RASEF: variants seen among roughly 807,000 people sequenced by gnomAD.
RASEF encodes the protein ras and EF-hand domain-containing protein.
A neutral mutation model predicts 90.1 loss-of-function variants in RASEF; 68 were observed. That is an observed-to-expected ratio of 0.75 (90% CI 0.62 to 0.92). The LOEUF (loss-of-function observed/expected upper bound fraction) is 0.92, where lower values mean the gene tolerates loss of function less well. RASEF is among the 40% of genes least tolerant of loss of function. RASEF has a pLI of 0.00. For missense variants in RASEF, 949 were observed against 937.2 expected (o/e 1.01, Z -0.16); for synonymous variants, 331 against 345.2 (o/e 0.96, Z 0.46).
rs1342411523 is a variant in RASEF, at chr9:82,980,913, G to A, written c.*1764C>T. Reference sequence around the variant, plus strand: ...CAACTTTCCAGCAAAAATATCAGATGTCTTCAATAGAGAGAAGGCATGTTT... The same window carrying A: ...CAACTTTCCAGCAAAAATATCAGATATCTTCAATAGAGAGAAGGCATGTTT... On this transcript the variant is annotated 3_prime_UTR_variant, in exon 17 of 17. Transcript: ENST00000376447. 2 of 152,186 alleles carry A rather than the reference G, an allele frequency of 1.3e-5. No homozygotes were observed. The highest frequency in any genetic ancestry group is 2.9e-5 in the Non-Finnish European group (2 of 68,034). 9.4% of individuals were successfully genotyped at this position (152,186 alleles called of 1,614,324 possible).
chr9:83,030,411 C>T (rs1233843989), intron 1 of RASEF, among the ~76,000 whole-genome samples: 1 of 151,540 alleles, frequency 6.6e-6, no homozygotes, highest in African/African-American at 2.4e-5. Context: ...GCTATCTGTA[C>T]AACATCAAAA....
At chr9:83,166,263 A>G in the RASEF span, among the ~76,000 whole-genome samples, 5 of 152,222 alleles carry the variant, frequency 3.3e-5, no homozygotes, top group Non-Finnish European at 5.9e-5. Context: ...AGTCCCCGAC[A>G]AAATATCACC....
At chr9:83,072,899 A>G in the RASEF span, among the ~76,000 whole-genome samples, 1 of 152,194 alleles carries the variant, frequency 6.6e-6, no homozygotes, top group Non-Finnish European at 1.5e-5. Flanking sequence ...GTTGGCACTC[A>G]ACCATCACAG....
the RASEF span, among the ~76,000 whole-genome samples, chr9:83,182,536 G>A: frequency 0.2 from 31,077 of 152,062 alleles, 3,315 homozygotes; most frequent in African/African-American, 0.26. Flanking sequence ...TGCGATTTAA[G>A]TATAATTTCA....
the RASEF span, among the ~76,000 whole-genome samples, chr9:83,120,873 C>T: frequency 2.6e-5 from 4 of 152,152 alleles, no homozygotes; most frequent in Non-Finnish European, 5.9e-5. Context: ...TTCCTTGATA[C>T]ATATCAACCA....
At chr9:82,997,837 C>T (rs147749311) in intron 13 of RASEF, among the ~76,000 whole-genome samples, 15 of 152,110 alleles carry the variant, frequency 9.9e-5, no homozygotes, top group African/African-American at 3.6e-4. Flanking sequence ...AGGCAGGCAC[C>T]CCATACTTAC....
chr9:83,208,443 T>C, the RASEF span, among the ~76,000 whole-genome samples: 2 of 152,190 alleles, frequency 1.3e-5, no homozygotes, highest in Admixed American at 6.5e-5. Context: ...ACTCCAGAAG[T>C]AACCATTTCT....
the RASEF span, among the ~76,000 whole-genome samples, chr9:83,111,102 AAAT>A: frequency 2.0e-5 from 3 of 152,354 alleles, no homozygotes; most frequent in African/African-American, 7.2e-5. Flanking sequence ...AAGTACGAGC[AAAT>A]AATAAGAAAC....
chr9:83,212,823 A>G, the RASEF span, among the ~76,000 whole-genome samples: 1 of 152,218 alleles, frequency 6.6e-6, no homozygotes, highest in Non-Finnish European at 1.5e-5. Context: ...AGGGAGAGGC[A>G]AAGGGAATGG....
At chr9:83,217,906 T>C in the RASEF span, among the ~76,000 whole-genome samples, 1 of 152,244 alleles carries the variant, frequency 6.6e-6, no homozygotes, top group African/African-American at 2.4e-5. Context: ...ATGTTACTTA[T>C]GTTTCCTTCT....
chr9:83,023,541 G>A (rs181152872), intron 2 of RASEF, among the ~76,000 whole-genome samples: 72 of 152,296 alleles, frequency 4.7e-4, no homozygotes, highest in African/African-American at 1.7e-3. Context: ...CTCCAAGGAA[G>A]TATTATGGGA....
the RASEF span, among the ~76,000 whole-genome samples, chr9:83,177,839 AT>A: frequency 4.0e-5 from 6 of 151,794 alleles, no homozygotes; most frequent in Admixed American, 2.6e-4. Context: ...TTCTTCTAAT[AT>A]TTTTTCTAGT....
the RASEF span, among the ~76,000 whole-genome samples, chr9:83,079,595 T>C: frequency 3.9e-5 from 6 of 152,190 alleles, no homozygotes; most frequent in African/African-American, 1.2e-4. Flanking sequence ...ACCTCCATCA[T>C]TGGAGATTAC....
intron 16 of RASEF, among the ~76,000 whole-genome samples, chr9:82,989,531 T>A (rs928192395): frequency 5.3e-5 from 8 of 152,194 alleles, no homozygotes; most frequent in Admixed American, 5.2e-4. Flanking sequence ...AGTCATTAAT[T>A]GAAAAACAGC....
chr9:83,027,710 C>T (rs1829572627), intron 1 of RASEF, among the ~76,000 whole-genome samples: 1 of 152,142 alleles, frequency 6.6e-6, no homozygotes, highest in African/African-American at 2.4e-5. Context: ...GTCCGTGACT[C>T]ACAGTTTAAG....
chr9:83,032,552 G>A (rs1381419534), intron 1 of RASEF, among the ~76,000 whole-genome samples: 1 of 152,222 alleles, frequency 6.6e-6, no homozygotes, highest in East Asian at 1.9e-4. Context: ...AAGATATCAA[G>A]TGAAATGCAA....
chr9:83,090,697 C>T, the RASEF span, among the ~76,000 whole-genome samples: 2 of 151,858 alleles, frequency 1.3e-5, no homozygotes, highest in African/African-American at 4.8e-5. Flanking sequence ...TGCACCTGGC[C>T]CATACTTTCT....
intron 1 of RASEF, among the ~76,000 whole-genome samples, chr9:83,027,342 G>C (rs1352517025): frequency 2.0e-5 from 3 of 152,124 alleles, no homozygotes; most frequent in African/African-American, 7.2e-5. Context: ...GTCAGGGATG[G>C]GGCTGAAAGT....
chr9:83,073,884 TATC>T, the RASEF span, among the ~76,000 whole-genome samples: 1 of 152,228 alleles, frequency 6.6e-6, no homozygotes, highest in African/African-American at 2.4e-5. Context: ...TTTTTAACTT[TATC>T]ATTATTTGGA....
Sources: allele counts gnomAD v4.1 joint callset (sites outside exome capture counted in the v4.1 genomes callset), GRCh38; gene constraint gnomAD v4.1.1; transcripts MANE v1.5; gene names NCBI Gene and HGNC (gene_info 2026-07-23, HGNC 2026-07-21).